RBFOX1: variants seen among roughly 807,000 people sequenced by gnomAD.
RBFOX1 encodes RNA binding protein fox-1 homolog 1.
Under a neutral mutation model 57.7 loss-of-function variants are expected in RBFOX1, and 8 were observed. The observed-to-expected ratio is 0.14, with a 90% CI of 0.08 to 0.25. RBFOX1 has a LOEUF of 0.25. Among genes scored for constraint, RBFOX1 ranks in the 10% least tolerant of loss-of-function variants. The pLI, the probability that RBFOX1 is intolerant of heterozygous loss-of-function variation, is 1.00. For synonymous variants in RBFOX1, 326 were observed against 222.4 expected (o/e 1.47, Z -4.15); for missense variants, 611 against 548.5 (o/e 1.11, Z -1.14).
intron 3 of RBFOX1, among the ~76,000 whole-genome samples, chr16:5,846,912 A>G (rs1255004423): frequency 1.3e-5 from 2 of 152,204 alleles, no homozygotes; most frequent in East Asian, 1.9e-4. Flanking sequence ...AAACCGCATT[A>G]TTAGCCTATA....
At chr16:5,431,150 T>G (rs1188062305) in intron 1 of RBFOX1, among the ~76,000 whole-genome samples, 1 of 152,226 alleles carries the variant, frequency 6.6e-6, no homozygotes, top group Non-Finnish European at 1.5e-5. Flanking sequence ...TGACAGCTAC[T>G]GAGGCTGTTG....
At chr16:6,682,658 C>T (rs973935306) in intron 3 of RBFOX1, among the ~76,000 whole-genome samples, 6 of 151,676 alleles carry the variant, frequency 4.0e-5, no homozygotes, top group African/African-American at 1.5e-4. Flanking sequence ...TTGAGACAAC[C>T]AAAAATGACT....
intron 3 of RBFOX1, among the ~76,000 whole-genome samples, chr16:5,820,923 C>T (rs1173804037): frequency 6.6e-6 from 1 of 152,178 alleles, no homozygotes; most frequent in Non-Finnish European, 1.5e-5. Context: ...CACAATGCCA[C>T]ACGTTTAAGG....
intron 4 of RBFOX1, among the ~76,000 whole-genome samples, chr16:7,190,930 T>A (rs1349936323): frequency 6.6e-6 from 1 of 152,122 alleles, no homozygotes; most frequent in Admixed American, 6.5e-5. Flanking sequence ...AAGACCTTTT[T>A]TTTTTCCTGG....
chr16:7,483,804 C>T (rs1599624233), intron 4 of RBFOX1, among the ~76,000 whole-genome samples: 1 of 152,188 alleles, frequency 6.6e-6, no homozygotes, highest in South Asian at 2.1e-4. Flanking sequence ...ACTTTTCATC[C>T]TGGGAAATTC....
chr16:7,148,028 C>G (rs2075369033), intron 4 of RBFOX1, among the ~76,000 whole-genome samples: 1 of 152,174 alleles, frequency 6.6e-6, no homozygotes, highest in African/African-American at 2.4e-5. Flanking sequence ...ACTTCAAGAT[C>G]AGAGGCCAAA....
chr16:6,087,014 G>A (rs1240593814), intron 1 of RBFOX1, among the ~76,000 whole-genome samples: 3 of 152,148 alleles, frequency 2.0e-5, no homozygotes, highest in South Asian at 2.1e-4. Flanking sequence ...CTCACAATGG[G>A]TAGATATACA....
chr16:7,692,799 C>T (rs1034353145), intron 14 of RBFOX1, among the ~76,000 whole-genome samples: 1 of 152,126 alleles, frequency 6.6e-6, no homozygotes, highest in Admixed American at 6.6e-5. Flanking sequence ...TCTCTTAGCT[C>T]TATGTAGCAA....
intron 3 of RBFOX1, among the ~76,000 whole-genome samples, chr16:6,984,864 C>G (rs769300100): frequency 2.6e-5 from 4 of 152,078 alleles, no homozygotes; most frequent in Non-Finnish European, 4.4e-5. Context: ...TGGTCTTGAA[C>G]TCCTGACCTC....
chr16:7,006,983 T>C (rs376641600), intron 3 of RBFOX1, among the ~76,000 whole-genome samples: 24 of 152,170 alleles, frequency 1.6e-4, no homozygotes, highest in East Asian at 5.8e-4. Context: ...TACCACACAT[T>C]TGGCACCTTG....
At chr16:7,529,471 C>T (rs980603680) in intron 5 of RBFOX1, among the ~76,000 whole-genome samples, 1 of 152,286 alleles carries the variant, frequency 6.6e-6, no homozygotes, top group South Asian at 2.1e-4. Context: ...AACAAATTTC[C>T]TGTCCACAGG....
At chr16:6,407,872 C>A (rs1226150504) in intron 2 of RBFOX1, among the ~76,000 whole-genome samples, 1 of 152,146 alleles carries the variant, frequency 6.6e-6, no homozygotes, top group Non-Finnish European at 1.5e-5. Context: ...TAGATCCCCA[C>A]TATGTTCTGA....
intron 4 of RBFOX1, among the ~76,000 whole-genome samples, chr16:7,472,423 AG>A (rs762168836): frequency 2.6e-4 from 39 of 152,356 alleles, no homozygotes; most frequent in African/African-American, 8.9e-4. Flanking sequence ...CTCATTTGGA[AG>A]TCAATTCTTT....
chr16:6,634,211 G>A (rs944281027), intron 2 of RBFOX1, among the ~76,000 whole-genome samples: 2 of 152,096 alleles, frequency 1.3e-5, no homozygotes, highest in African/African-American at 4.8e-5. Context: ...TCTGTTGTGT[G>A]CTCATTCACT....
At chr16:7,320,044 GT>G (rs1339030494) in intron 4 of RBFOX1, among the ~76,000 whole-genome samples, 3 of 152,168 alleles carry the variant, frequency 2.0e-5, no homozygotes, top group South Asian at 4.2e-4. Context: ...GCATTAATCT[GT>G]TTTTTTGAAA....
chr16:5,940,933 C>T (rs1032600515), intron 4 of RBFOX1, among the ~76,000 whole-genome samples: 3 of 152,086 alleles, frequency 2.0e-5, no homozygotes, highest in Non-Finnish European at 2.9e-5. Flanking sequence ...CAGACTGCCT[C>T]GGTTTGAATC....
chr16:6,611,939 A>G (rs566964544), intron 2 of RBFOX1, among the ~76,000 whole-genome samples: 1 of 152,246 alleles, frequency 6.6e-6, no homozygotes, highest in East Asian at 1.9e-4. Context: ...TAGCTTCTGC[A>G]GTCACCTCTT....
intron 4 of RBFOX1, among the ~76,000 whole-genome samples, chr16:7,218,901 T>A (rs1172328143): frequency 1.3e-5 from 2 of 152,170 alleles, no homozygotes; most frequent in Non-Finnish European, 1.5e-5. Flanking sequence ...AGTTAGCATG[T>A]TCAGCACAAT....
intron 1 of RBFOX1, among the ~76,000 whole-genome samples, chr16:6,127,395 G>C (rs1265870015): frequency 2.0e-5 from 3 of 151,828 alleles, no homozygotes; most frequent in Non-Finnish European, 2.9e-5. Context: ...TGTTCATGTG[G>C]ACCTTTTAAT....
Sources: gnomAD v4.1 joint callset for allele counts (sites outside exome capture counted in the v4.1 genomes callset) on GRCh38, gnomAD v4.1.1 for gene constraint, MANE v1.5 for transcripts, NCBI Gene and HGNC (gene_info 2026-07-23, HGNC 2026-07-21) for gene names.